Variants in CSRP2 observed in about 807,000 individuals in gnomAD.
CSRP2 encodes the protein cysteine and glycine rich protein 2.
In CSRP2, 18 loss-of-function variants were observed where a neutral mutation model predicts 24.6. The observed-to-expected ratio is 0.73, with a 90% CI of 0.51 to 1.09. The LOEUF is 1.09. CSRP2 is among the 50% of genes least tolerant of loss of function. The pLI is 0.00. For missense variants in CSRP2, 215 were observed against 239.4 expected, an observed-to-expected ratio of 0.90 and a Z score of 0.67; for synonymous variants, 87 against 84.3, an observed-to-expected ratio of 1.03 and a Z score of -0.18.
At chr12:76,866,931 C>A (rs576120413) in intron 1 of CSRP2, among the ~76,000 whole-genome samples, 4 of 152,160 alleles carry the variant, frequency 2.6e-5, no homozygotes, top group Non-Finnish European at 5.9e-5. Context: ...AGTTTCTATG[C>A]TTCACTAACC....
chr12:76,863,201 CGCCACGGTCCATGTTAAGCGT>C lies in CSRP2; in HGVS notation c.235_255del (p.Thr79_Gly85del). The C allele has an allele frequency of 6.2e-7, 1 of 1,613,688 alleles. No individual in the cohort carries two copies. The highest frequency in any genetic ancestry group is 2.2e-5 in the East Asian group (1 of 44,860). On this transcript the variant is annotated inframe_deletion, in exon 3 of 6. Coordinates refer to ENST00000311083, the MANE Select transcript of CSRP2 (RefSeq NM_001321.3). ...CTCTCTGGTTTGATGCCCAGCCTCT[CGCCACGGTCCATGTTAAGCGT>C]GCCAGCGCCCTGGCCATAACCGTAG...
rs762672356 is a variant in CSRP2 at position 76,858,964 on chromosome 12, A to C, written c.570T>G (p.Val190=). ...FGYGQGAGAL[V]HAQ Reference sequence around the variant, plus strand: ...CAGGGTTTACATCTTACTGGGCATGAACAAGAGCCCCTGCTCCTTGGCCAT... The same window carrying C: ...CAGGGTTTACATCTTACTGGGCATGCACAAGAGCCCCTGCTCCTTGGCCAT... The change falls in exon 6 of 6, where the codon GTT becomes GTG. Residue 190 remains valine (V), a synonymous_variant. Coordinates refer to ENST00000311083, the MANE Select transcript of CSRP2 (RefSeq NM_001321.3). 2 of 1,614,136 alleles carry C rather than the reference A, an allele frequency of 1.2e-6. No individual in the cohort carries two copies. The highest frequency in any genetic ancestry group is 1.7e-6 in the Non-Finnish European group (2 of 1,179,936).
At chr12:76,862,873 A>G (rs1214330624) in intron 3 of CSRP2, 1 of 1,531,002 alleles carries the variant, frequency 6.5e-7, no homozygotes, top group Admixed American at 2.0e-5. Flanking sequence ...TAATTTCATG[A>G]CATCCGGTCT....
chr12:76,862,968 C>A (rs984263293), intron 3 of CSRP2: 2 of 1,469,740 alleles, frequency 1.4e-6, no homozygotes, highest in Non-Finnish European at 1.8e-6. Context: ...TGCTATAAAG[C>A]CAGAAGTAGA....
intron 1 of CSRP2, among the ~76,000 whole-genome samples, chr12:76,874,440 A>C (rs116862704): frequency 0.017 from 2,596 of 152,270 alleles, 38 homozygotes; most frequent in Admixed American, 0.047. Flanking sequence ...GTAACTTGGA[A>C]ATGGATGAGA....
Position 76,863,325 on chromosome 12 carries a change from T to A in CSRP2, c.132A>T (p.Leu44Phe). The A allele has an allele frequency of 6.2e-7, 1 of 1,614,148 alleles. No individual in the cohort carries two copies. The highest frequency in any genetic ancestry group is 8.5e-7 in the Non-Finnish European group (1 of 1,180,020). The change falls in exon 3 of 6, where the codon TTA (leucine) becomes TTT (phenylalanine). Residue 44 changes from leucine (L) to phenylalanine (F), a missense_variant. Physicochemically the swap from Leu to Phe is conservative, Grantham distance 22. Coordinates refer to ENST00000311083, the MANE Select transcript of CSRP2 (RefSeq NM_001321.3). ...CFLCMVCRKNLDSTTVAIHDE... is the reference protein window; with the variant it reads ...CFLCMVCRKNFDSTTVAIHDE... ...CGTGAATTGCCACTGTTGTGCTATC[T>A]AAATTTTTCCTGCAAACCACTGCAG...
In CSRP2 at chr12:76,863,300, C is replaced by T. The variant is rs745794759; in HGVS notation, c.157G>A (p.Asp53Asn). The change falls in exon 3 of 6, where the codon GAT (aspartate) becomes AAT (asparagine). Residue 53 changes from aspartate (D) to asparagine (N), a missense_variant. Asp to Asn is a conservative substitution (Grantham distance 23). Coordinates refer to ENST00000311083, the MANE Select transcript of CSRP2 (RefSeq NM_001321.3). The stretch of plus-strand genomic sequence containing the variant: ...CAGGATTTGCAGTAGATCTCTTCAT[C>T]GTGAATTGCCACTGTTGTGCTATCT... ...NLDSTTVAIH[D>N]EEIYCKSCYG... 25 of 1,614,202 alleles carry T rather than the reference C, an allele frequency of 1.5e-5. No individual in the cohort carries two copies. The highest frequency in any genetic ancestry group is 1.9e-5 in the Non-Finnish European group (23 of 1,180,034).
chr12:76,872,668 A>G (rs1953812374), intron 1 of CSRP2, among the ~76,000 whole-genome samples: 1 of 152,168 alleles, frequency 6.6e-6, no homozygotes, highest in African/African-American at 2.4e-5. Flanking sequence ...CCAATCCCCT[A>G]AGCCCTATGT....
At chr12:76,863,922 TC>T (rs201389969) in intron 2 of CSRP2, 2,840 of 152,322 alleles carry the variant, frequency 0.019, 39 homozygotes, top group South Asian at 0.047. Flanking sequence ...TAGTTTTAAA[TC>T]CTGAATTCTA....
At chr12:76,877,925 C>T (rs921880399) in intron 1 of CSRP2, among the ~76,000 whole-genome samples, 1 of 152,088 alleles carries the variant, frequency 6.6e-6, no homozygotes, top group African/African-American at 2.4e-5. Context: ...CGACGATTTT[C>T]GCTGCCCGGG....
At chr12:76,873,564 C>A (rs1341113972) in intron 1 of CSRP2, among the ~76,000 whole-genome samples, 1 of 152,194 alleles carries the variant, frequency 6.6e-6, no homozygotes, top group Non-Finnish European at 1.5e-5. Flanking sequence ...AGCATAAGGG[C>A]AAAGTAAGAA....
chr12:76,874,087 G>A (rs1243062092), intron 1 of CSRP2, among the ~76,000 whole-genome samples: 2 of 152,274 alleles, frequency 1.3e-5, no homozygotes, highest in Non-Finnish European at 2.9e-5. Context: ...TATAATAAAT[G>A]ACACAGAGGC....
rs539060483 is a variant in CSRP2, at chr12:76,860,126, A to T, written c.411+158T>A. On this transcript the variant is annotated intron_variant, in intron 4 of 5. Transcript: ENST00000311083. ...CTTGTCAAATAAGGGAATCACTTCA[A>T]AAAAGTTAATGATTCTGATGGAAAT... Among the ~76,000 whole-genome samples, 213 of 152,354 alleles carry T rather than the reference A, an allele frequency of 1.4e-3. 1 individual carries two copies. The highest frequency in any genetic ancestry group is 4.8e-3 in the African/African-American group (200 of 41,582).
Position 76,860,291 on chromosome 12 carries a change from G to C in CSRP2, c.404C>G (p.Ala135Gly), listed in dbSNP as rs1292848969. 2 of 1,613,606 alleles carry C rather than the reference G, an allele frequency of 1.2e-6. No homozygotes were observed. The highest frequency in any genetic ancestry group is 1.7e-5 in the Admixed American group (1 of 60,004). ...SVYAAEKIIG[A>G]GKPWHKNCFR... is the part of the protein sequence containing the mutation. ...TTCCAAATAGCACTTTACCTTTCCA[G>C]CTCCAATTATCTTCTCGGCAGCATA... is the stretch of plus-strand genomic sequence containing the variant. Residue 135 changes from alanine to glycine, a missense_variant, in exon 4 of 6, where the codon GCT (alanine) becomes GGT (glycine). Coordinates refer to ENST00000311083, the MANE Select transcript of CSRP2 (RefSeq NM_001321.3).
At chr12:76,873,226 T>C (rs1953819181) in intron 1 of CSRP2, among the ~76,000 whole-genome samples, 1 of 152,208 alleles carries the variant, frequency 6.6e-6, no homozygotes, top group Non-Finnish European at 1.5e-5. Flanking sequence ...AAGGAGAATT[T>C]ATTATAAAAT....
chr12:76,872,869 C>T (rs773012670), intron 1 of CSRP2, among the ~76,000 whole-genome samples: 5 of 152,114 alleles, frequency 3.3e-5, no homozygotes, highest in African/African-American at 1.2e-4. Flanking sequence ...CACGTGTGTC[C>T]GTGTTGTTTT....
At position 76,866,208 on chromosome 12, in the gene CSRP2, T is replaced by C. The variant is rs1297298091; in HGVS notation, c.53A>G (p.Tyr18Cys). Reference protein sequence around the residue: ...NKCGACGRTVYHAEEVQCDGR... With the variant: ...NKCGACGRTVCHAEEVQCDGR... ...ATCACACTGCACCTCTTCTGCGTGG[T>C]ACACGGTCCTCCCACAGGCCCCACA... The change falls in exon 2 of 6, where the codon TAC (tyrosine) becomes TGC (cysteine). Residue 18 changes from tyrosine to cysteine, a missense_variant. Transcript: ENST00000311083. 4 of 1,614,146 alleles carry C rather than the reference T, an allele frequency of 2.5e-6. No homozygotes were observed. Among genetic ancestry groups the C allele is most frequent in the Non-Finnish European group, 3.4e-6 (4 of 1,180,024 alleles).
At chr12:76,876,322 GTTCTTC>G (rs1953851105) in intron 1 of CSRP2, among the ~76,000 whole-genome samples, 1 of 152,120 alleles carries the variant, frequency 6.6e-6, no homozygotes, top group African/African-American at 2.4e-5. Flanking sequence ...ACTTCTATTA[GTTCTTC>G]CTCTGTGACT....
intron 1 of CSRP2, among the ~76,000 whole-genome samples, chr12:76,872,792 G>A (rs2137836293): frequency 6.6e-6 from 1 of 152,254 alleles, no homozygotes; most frequent in South Asian, 2.1e-4. Flanking sequence ...CTGTACCGGG[G>A]AGCTTCTTCC....
Sources: allele counts gnomAD v4.1 joint callset (sites outside exome capture counted in the v4.1 genomes callset), GRCh38; gene constraint gnomAD v4.1.1; transcripts MANE v1.5; gene names NCBI Gene and HGNC (gene_info 2026-07-23, HGNC 2026-07-21).